Variants in LRRC8D observed in about 807,000 individuals in gnomAD.
The protein encoded by LRRC8D is volume-regulated anion channel subunit LRRC8D.
A neutral mutation model predicts 55.8 loss-of-function variants in LRRC8D; 20 were observed. That is an observed-to-expected ratio of 0.36 (90% CI 0.25 to 0.52). The LOEUF is 0.52. Ranked by LOEUF, LRRC8D falls within the 20% of genes least tolerant of loss-of-function variation. The probability of loss-of-function intolerance (pLI) is 0.93; values close to 1 mark genes in which losing one functional copy is unlikely to be tolerated. For synonymous variants in LRRC8D, 352 were observed against 377.0 expected, an observed-to-expected ratio of 0.93 and a Z score of 0.77; for missense variants, 651 against 1,030.8, an observed-to-expected ratio of 0.63 and a Z score of 5.05.
chr1:89,833,416 C>T (rs551868292), intron 1 of LRRC8D, among the ~76,000 whole-genome samples: 5 of 152,306 alleles, frequency 3.3e-5, no homozygotes, highest in Non-Finnish European at 5.9e-5. Flanking sequence ...TTTTTAACAG[C>T]ACAAAACCCA....
chr1:89,929,219 A>G (rs1663640573), intron 2 of LRRC8D, among the ~76,000 whole-genome samples: 1 of 152,228 alleles, frequency 6.6e-6, no homozygotes, highest in East Asian at 1.9e-4. Context: ...ACATGGAAGA[A>G]ACACCTCACC....
intron 2 of LRRC8D, among the ~76,000 whole-genome samples, chr1:89,890,002 A>G (rs905815958): frequency 2.0e-4 from 30 of 151,974 alleles, no homozygotes; most frequent in African/African-American, 6.0e-4. Context: ...CCTGGCTAAC[A>G]CAGTGAAACT....
chr1:89,848,286 T>A (rs1035531547), intron 2 of LRRC8D, among the ~76,000 whole-genome samples: 1 of 152,194 alleles, frequency 6.6e-6, no homozygotes, highest in East Asian at 1.9e-4. Context: ...TTCAGAATCA[T>A]GATGGTCATA....
At chr1:89,886,915 A>G (rs976985668) in intron 2 of LRRC8D, among the ~76,000 whole-genome samples, 72 of 152,336 alleles carry the variant, frequency 4.7e-4, no homozygotes, top group African/African-American at 1.6e-3. Flanking sequence ...CACTTTTTAA[A>G]AAGACATTTT....
At position 89,935,495 on chromosome 1, in the gene LRRC8D, C is replaced by T. The variant is rs1663825545; in HGVS notation, c.2427C>T (p.Cys809=). The change falls in exon 3 of 3, where the codon TGC becomes TGT. Residue 809 remains cysteine, a synonymous_variant. Coordinates refer to ENST00000337338, the MANE Select transcript of LRRC8D (RefSeq NM_001134479.2). ...CTCAGCTGGAGCTGAAGGGGAACTG[C>T]TTGGACCGCCTGCCAGCCCAGCTGG... is the stretch of plus-strand genomic sequence containing the variant. ...QLTQLELKGN[C]LDRLPAQLGQ... 6.2e-7 allele frequency: 1 copy of T among 1,614,116 alleles called. No homozygotes were observed. Among genetic ancestry groups the T allele is most frequent in the Non-Finnish European group, 8.5e-7 (1 of 1,180,042 alleles).
intron 2 of LRRC8D, among the ~76,000 whole-genome samples, chr1:89,883,222 G>T (rs751963280): frequency 7.3e-6 from 1 of 136,760 alleles, no homozygotes; most frequent in Non-Finnish European, 1.5e-5. Flanking sequence ...GTGTGTAGGC[G>T]TGTGTGTGTG....
At chr1:89,827,318 C>T (rs900440707) in intron 1 of LRRC8D, among the ~76,000 whole-genome samples, 3 of 147,356 alleles carry the variant, frequency 2.0e-5, no homozygotes, top group Non-Finnish European at 4.4e-5. Context: ...CCATTGCACT[C>T]CAGCCTGGGC....
rs773116079 is a variant in LRRC8D at position 89,933,885 on chromosome 1, A to C, written c.817A>C (p.Met273Leu). ...GAAGCCTGTGATTGAAGTTCCCAGC[A>C]TGACAATCCTGGATAAAAAGGATGG... The part of the protein sequence containing the change: ...AEKPVIEVPS[M>L]TILDKKDGEQ... The change falls in exon 3 of 3, where the codon ATG becomes CTG. Residue 273 changes from methionine to leucine, a missense_variant. Met to Leu is a conservative substitution (Grantham distance 15). Transcript: ENST00000337338. This position sits in a 1 kb window ranked among gnomAD's most constrained non-coding sequence, Gnocchi z 7.0. The C allele has an allele frequency of 1.2e-6, 2 of 1,613,860 alleles. No homozygotes were observed. Among genetic ancestry groups the C allele is most frequent in the Non-Finnish European group, 1.7e-6 (2 of 1,179,862 alleles).
intron 1 of LRRC8D, among the ~76,000 whole-genome samples, chr1:89,834,926 A>C (rs1329270271): frequency 6.6e-6 from 1 of 152,224 alleles, no homozygotes; most frequent in African/African-American, 2.4e-5. Flanking sequence ...CAGATTACAG[A>C]GGGCCTAGAG....
At chr1:89,844,120 G>A (rs1194278472) in intron 2 of LRRC8D, among the ~76,000 whole-genome samples, 1 of 152,222 alleles carries the variant, frequency 6.6e-6, no homozygotes. Flanking sequence ...TCCAGCTGCT[G>A]CTGCCTGAAG....
intron 1 of LRRC8D, among the ~76,000 whole-genome samples, chr1:89,836,306 T>C (rs1661004346): frequency 6.6e-6 from 1 of 152,104 alleles, no homozygotes; most frequent in Admixed American, 6.5e-5. Flanking sequence ...TTCTCAACAT[T>C]AAAGAAATTA....
Position 89,826,410 on chromosome 1 carries a change from A to G in LRRC8D, c.-148+5119A>G, listed in dbSNP as rs898240157. Reference sequence around the variant, plus strand: ...CTCCCGAGTAGCTGGGACTACAGGCACCCGCCACTGCACACAGCTAATTTT... The same window carrying G: ...CTCCCGAGTAGCTGGGACTACAGGCGCCCGCCACTGCACACAGCTAATTTT... On this transcript the variant is annotated intron_variant, in intron 1 of 2. Transcript: ENST00000337338. Among the ~76,000 whole-genome samples the G allele has an allele frequency of 2.0e-5, 3 of 151,150 alleles. No individual in the cohort carries two copies. In the South Asian group the frequency reaches 6.3e-4, roughly 32 times the overall value.
At position 89,843,789 on chromosome 1, in the gene LRRC8D, G is replaced by T; in HGVS notation, c.-3+7G>T. 2 of 675,192 alleles carry T rather than the reference G, an allele frequency of 3.0e-6. No homozygotes were observed. Among genetic ancestry groups the T allele is most frequent in the Non-Finnish European group, 5.4e-6 (2 of 369,424 alleles). The allele number at this position is 675,192 out of a possible 1,614,324, so 41.8% of individuals were successfully genotyped here. On this transcript the variant is annotated splice_region_variant and intron_variant, in intron 2 of 2. Coordinates refer to ENST00000337338, the MANE Select transcript of LRRC8D (RefSeq NM_001134479.2). ...GGGTGGCCGCTTGGTCCAGGTGCGC[G>T]GGGTCGGGTCTGGGTCCAGGGAGCG...
At chr1:89,895,753 A>G (rs779796082) in intron 2 of LRRC8D, among the ~76,000 whole-genome samples, 1 of 152,226 alleles carries the variant, frequency 6.6e-6, no homozygotes, top group African/African-American at 2.4e-5. Context: ...ATGAATAATC[A>G]TACCAATTTT....
At chr1:89,828,294 T>C (rs1436307241) in intron 1 of LRRC8D, among the ~76,000 whole-genome samples, 1 of 152,190 alleles carries the variant, frequency 6.6e-6, no homozygotes, top group Non-Finnish European at 1.5e-5. Flanking sequence ...GCTGGATGGA[T>C]GATGGGACCA....
intron 2 of LRRC8D, among the ~76,000 whole-genome samples, chr1:89,872,968 G>A (rs977918281): frequency 3.9e-5 from 6 of 152,194 alleles, no homozygotes; most frequent in Admixed American, 6.5e-5. Context: ...GATAGGAATC[G>A]TTTGTGACCC....
chr1:89,901,835 C>T lies in LRRC8D; in HGVS notation c.-2-31232C>T, dbSNP rs563975198. On this transcript the variant is annotated intron_variant, in intron 2 of 2. Transcript: ENST00000337338. ...TAAATTTGATTTCTGTTTGGAGGAA[C>T]GCTATAATCTTTGCAGTACGTCGTG... Among the ~76,000 whole-genome samples the T allele has an allele frequency of 1.3e-4, 20 of 152,336 alleles. No homozygotes were observed. In the South Asian group the frequency reaches 3.3e-3, roughly 25 times the overall value.
intron 2 of LRRC8D, among the ~76,000 whole-genome samples, chr1:89,930,443 C>T (rs1427784625): frequency 5.9e-5 from 9 of 152,120 alleles, no homozygotes; most frequent in Admixed American, 2.0e-4. Context: ...CCACCCACCT[C>T]GGCCTCCCAA....
At chr1:89,850,317 G>A (rs1321234924) in intron 2 of LRRC8D, among the ~76,000 whole-genome samples, 1 of 152,194 alleles carries the variant, frequency 6.6e-6, no homozygotes, top group Non-Finnish European at 1.5e-5. Context: ...GGGTACAAGT[G>A]TATACTACAA....
Sources: allele counts gnomAD v4.1 joint callset (sites outside exome capture counted in the v4.1 genomes callset), GRCh38; gene constraint gnomAD v4.1.1; non-coding constraint Gnocchi (gnomAD v3.1); transcripts MANE v1.5; gene names NCBI Gene and HGNC (gene_info 2026-07-23, HGNC 2026-07-21).